PCCA: variants seen among roughly 807,000 people sequenced by gnomAD.
The protein encoded by PCCA is propionyl-CoA carboxylase subunit alpha, also known as propionyl-CoA carboxylase alpha chain, mitochondrial.
In PCCA, 74 loss-of-function variants were observed where a neutral mutation model predicts 101.3. The ratio of observed to expected loss-of-function variants is 0.73; its 90% CI spans 0.61 to 0.89. The LOEUF is 0.89. Among genes scored for constraint, PCCA ranks in the 40% least tolerant of loss-of-function variants. PCCA has a pLI of 0.00. For synonymous variants in PCCA, 294 were observed against 313.6 expected (o/e 0.94, Z 0.66); for missense variants, 891 against 907.0 (o/e 0.98, Z 0.23).
intron 21 of PCCA, chr13:100,491,510 G>T (rs906157445): frequency 4.8e-5 from 19 of 395,706 alleles, no homozygotes; most frequent in Non-Finnish European, 7.8e-5. Context: ...CAAAAAAGAA[G>T]AAAATAGATA....
chr13:100,438,105 G>GTT lies in PCCA; in HGVS notation c.1846-11138_1846-11137dup, dbSNP rs528550409. 4.1e-5 allele frequency among the ~76,000 whole-genome samples: 6 copies of GTT among 144,918 alleles called. No homozygotes were observed. The East Asian group carries it at 1.2e-3, about 29-fold the overall frequency. ...ATCTTAATTGCTAATGCACCATGTT[G>GTT]TTTTTTTTTTCTTGAAGGCAAACCT... On this transcript the variant is annotated intron_variant, in intron 20 of 23. Transcript: ENST00000376285.
chr13:100,179,729 C>T (rs1566647144), intron 6 of PCCA, among the ~76,000 whole-genome samples: 1 of 149,922 alleles, frequency 6.7e-6, no homozygotes, highest in Non-Finnish European at 1.5e-5. Context: ...ATTTTCCTGT[C>T]TGTGTGTGTG....
At chr13:100,375,526 T>C (rs2075848707) in intron 19 of PCCA, among the ~76,000 whole-genome samples, 1 of 152,184 alleles carries the variant, frequency 6.6e-6, no homozygotes, top group African/African-American at 2.4e-5. Context: ...TCTAAGAACT[T>C]GCTTTATGAA....
rs1309950489 is a variant in PCCA at position 100,200,707 on chromosome 13, C to G, written c.469-8625C>G. 2.0e-5 allele frequency among the ~76,000 whole-genome samples: 3 copies of G among 150,408 alleles called. No homozygotes were observed. The East Asian group carries it at 5.8e-4, about 29-fold the overall frequency. On this transcript the variant is annotated intron_variant, in intron 6 of 23. Transcript: ENST00000376285. ...AAATATGTTTAAATATAATGCCAACCCTAACCCAAAATAGGGTATGTATAT... is the reference window on the plus strand; with the variant it reads ...AAATATGTTTAAATATAATGCCAACGCTAACCCAAAATAGGGTATGTATAT...
chr13:100,312,434 GT>G (rs1359696957), intron 16 of PCCA, among the ~76,000 whole-genome samples: 1 of 152,156 alleles, frequency 6.6e-6, no homozygotes, highest in African/African-American at 2.4e-5. Context: ...AAAAAGACTG[GT>G]AATGTCCTGT....
chr13:100,157,219 G>A, intron 5 of PCCA, 68 bp from the exon 6 acceptor site: 2 of 1,063,292 alleles, frequency 1.9e-6, no homozygotes, highest in Non-Finnish European at 2.9e-6. Flanking sequence ...TAAATGCACT[G>A]TACATTTTGC....
At chr13:100,386,581 C>T (rs951554316) in intron 19 of PCCA, among the ~76,000 whole-genome samples, 1 of 152,226 alleles carries the variant, frequency 6.6e-6, no homozygotes, top group Non-Finnish European at 1.5e-5. Context: ...CGTGGTTTCA[C>T]TGTGTTAGCC....
chr13:100,257,599 C>T lies in PCCA; in HGVS notation c.642C>T (p.Tyr214=), dbSNP rs2062158807. ...CTAATTCTTCCCTGCTGTTAGGCTA[C>T]CCTGTCATGATCAAGGCCTCAGCAG... is the stretch of plus-strand genomic sequence containing the variant. ...EAVRIAREIG[Y]PVMIKASAGG... Residue 214 remains tyrosine (Y), a synonymous_variant, in exon 9 of 24, where the codon TAC becomes TAT. Coordinates refer to ENST00000376285, the MANE Select transcript of PCCA (RefSeq NM_000282.4). The T allele has an allele frequency of 6.2e-6, 10 of 1,612,530 alleles. No individual in the cohort carries two copies. Among genetic ancestry groups the T allele is most frequent in the Non-Finnish European group, 8.5e-6 (10 of 1,178,912 alleles).
At chr13:100,153,568 A>G (rs1454587306) in intron 4 of PCCA, among the ~76,000 whole-genome samples, 1 of 152,236 alleles carries the variant, frequency 6.6e-6, no homozygotes, top group Non-Finnish European at 1.5e-5. Flanking sequence ...AATTACAACA[A>G]CAAAATTGAC....
At chr13:100,261,142 G>A (rs936937696) in intron 9 of PCCA, among the ~76,000 whole-genome samples, 25 of 152,152 alleles carry the variant, frequency 1.6e-4, no homozygotes, top group African/African-American at 6.0e-4. Context: ...AAGCAAATTG[G>A]ATAGTTATTT....
In PCCA at chr13:100,273,318, A is replaced by C. The variant is rs542465356; in HGVS notation, c.1037A>C (p.Tyr346Ser). Residue 346 changes from tyrosine to serine, a missense_variant, in exon 12 of 24, where the codon TAT becomes TCT. Coordinates refer to ENST00000376285, the MANE Select transcript of PCCA (RefSeq NM_000282.4). Reference protein sequence around the residue: ...EFLVDSKKNFYFLEMNTRLQV... With the variant: ...EFLVDSKKNFSFLEMNTRLQV... ...CTTGTGGACTCTAAGAAGAATTTTTATTTCTTGGAAATGAATACAAGACTC... is the reference window on the plus strand; with the variant it reads ...CTTGTGGACTCTAAGAAGAATTTTTCTTTCTTGGAAATGAATACAAGACTC... 1.2e-6 allele frequency: 2 copies of C among 1,613,092 alleles called. No individual in the cohort carries two copies. Among genetic ancestry groups the C allele is most frequent in the Non-Finnish European group, 1.7e-6 (2 of 1,179,076 alleles).
chr13:100,287,031 C>T (rs1006431183), intron 12 of PCCA, among the ~76,000 whole-genome samples: 5 of 152,090 alleles, frequency 3.3e-5, no homozygotes, highest in African/African-American at 1.2e-4. Context: ...ATCTTCACTT[C>T]ATTTGGAATT....
At chr13:100,524,412 T>TGTG (rs59438858) in intron 22 of PCCA, among the ~76,000 whole-genome samples, 4 of 149,042 alleles carry the variant, frequency 2.7e-5, no homozygotes, top group East Asian at 2.0e-4. Context: ...TGTGTGTGTG[T>TGTG]TGGGGTAGAA....
At chr13:100,450,570 C>G (rs2081153628) in intron 21 of PCCA, among the ~76,000 whole-genome samples, 1 of 151,990 alleles carries the variant, frequency 6.6e-6, no homozygotes, top group Non-Finnish European at 1.5e-5. Flanking sequence ...TCAGATAACT[C>G]TGGAGTTTAT....
intron 21 of PCCA, among the ~76,000 whole-genome samples, chr13:100,488,633 G>GTTTTT (rs1242466744): frequency 1.6e-5 from 1 of 62,598 alleles, no homozygotes; most frequent in Non-Finnish European, 3.1e-5. Flanking sequence ...TTTTTGTTTT[G>GTTTTT]TTTTTTTTTT....
At chr13:100,117,652 T>A (rs186518404) in intron 4 of PCCA, among the ~76,000 whole-genome samples, 3 of 152,110 alleles carry the variant, frequency 2.0e-5, no homozygotes, top group Non-Finnish European at 4.4e-5. Flanking sequence ...AGGGATAGCA[T>A]TAGGGGAAAT....
At chr13:100,299,523 T>C (rs1170901979) in intron 12 of PCCA, among the ~76,000 whole-genome samples, 1 of 152,246 alleles carries the variant, frequency 6.6e-6, no homozygotes, top group African/African-American at 2.4e-5. Context: ...CCACTTACCA[T>C]AGATGTGACT....
rs199996461 is a variant in PCCA at position 100,111,896 on chromosome 13, G to A, written c.231+8G>A. The stretch of plus-strand genomic sequence containing the variant: ...GGAGAAATTGCATGTCGGGTGAGTA[G>A]AATTTTCGTCTTATTTTCCATTTTA... On this transcript the variant is annotated splice_region_variant and intron_variant, in intron 3 of 23. Transcript: ENST00000376285. 89 of 1,609,272 alleles carry A rather than the reference G, an allele frequency of 5.5e-5. No homozygotes were observed. The East Asian group carries it at 1.9e-3, about 34-fold the overall frequency.
At chr13:100,211,530 A>G (rs2059211481) in intron 7 of PCCA, among the ~76,000 whole-genome samples, 1 of 152,172 alleles carries the variant, frequency 6.6e-6, no homozygotes, top group African/African-American at 2.4e-5. Context: ...CACTTTTGGC[A>G]CATTACTCAG....
Sources: gnomAD v4.1 joint callset for allele counts (sites outside exome capture counted in the v4.1 genomes callset) on GRCh38, gnomAD v4.1.1 for gene constraint, MANE v1.5 for transcripts, NCBI Gene and HGNC (gene_info 2026-07-23, HGNC 2026-07-21) for gene names.